Variants in FBXL17 observed in about 807,000 individuals in gnomAD.
FBXL17 encodes the protein F-box and leucine rich repeat protein 17, also known as F-box/LRR-repeat protein 17.
Under a neutral mutation model 66.2 loss-of-function variants are expected in FBXL17, and 22 were observed. The observed-to-expected ratio is 0.33, with a 90% CI of 0.24 to 0.47. The LOEUF (loss-of-function observed/expected upper bound fraction) is 0.47. FBXL17 is among the 20% of genes least tolerant of loss of function. The pLI is 1.00. For synonymous variants in FBXL17, 474 were observed against 400.5 expected, an observed-to-expected ratio of 1.18 and a Z score of -2.19; for missense variants, 878 against 948.2, an observed-to-expected ratio of 0.93 and a Z score of 0.97.
intron 3 of FBXL17, among the ~76,000 whole-genome samples, chr5:108,360,623 T>A (rs1304653921): frequency 6.6e-6 from 1 of 152,138 alleles, no homozygotes; most frequent in Non-Finnish European, 1.5e-5. Context: ...TAGATGCGTA[T>A]CTTCCACCAA....
intron 4 of FBXL17, among the ~76,000 whole-genome samples, chr5:108,231,325 T>C (rs1755331070): frequency 6.6e-6 from 1 of 152,142 alleles, no homozygotes; most frequent in Non-Finnish European, 1.5e-5. Context: ...TCATATACAG[T>C]TAATCACAGC....
chr5:108,360,615 G>C (rs769369034), intron 3 of FBXL17, among the ~76,000 whole-genome samples: 19 of 152,022 alleles, frequency 1.2e-4, no homozygotes, highest in Non-Finnish European at 2.1e-4. Context: ...TGGACGTATA[G>C]ATGCGTATCT....
At chr5:108,000,473 C>A (rs1753678940) in intron 7 of FBXL17, among the ~76,000 whole-genome samples, 1 of 152,176 alleles carries the variant, frequency 6.6e-6, no homozygotes, top group Non-Finnish European at 1.5e-5. Context: ...AAGGAAAATC[C>A]AGTCTGTTCT....
intron 8 of FBXL17, among the ~76,000 whole-genome samples, chr5:107,867,708 G>C (rs2112483154): frequency 6.6e-6 from 1 of 152,300 alleles, no homozygotes; most frequent in Non-Finnish European, 1.5e-5. Context: ...TTTGGGAGTT[G>C]GTATGCCTTC....
chr5:108,351,008 TC>T (rs1463920992), intron 3 of FBXL17, among the ~76,000 whole-genome samples: 1 of 152,182 alleles, frequency 6.6e-6, no homozygotes, highest in African/African-American at 2.4e-5. Flanking sequence ...GACTAGACTA[TC>T]CCAGGCAAAT....
At chr5:107,871,397 G>A (rs567246851) in intron 8 of FBXL17, among the ~76,000 whole-genome samples, 176 of 152,320 alleles carry the variant, frequency 1.2e-3, no homozygotes, top group African/African-American at 3.6e-3. Context: ...GAGAATTGGG[G>A]CTTGCTAACC....
chr5:108,300,342 C>A (rs1297968418), intron 4 of FBXL17, among the ~76,000 whole-genome samples: 1 of 151,810 alleles, frequency 6.6e-6, no homozygotes, highest in Non-Finnish European at 1.5e-5. Context: ...TTTTCTACTT[C>A]TATATTTAGT....
chr5:108,181,241 A>C (rs1341834256), intron 6 of FBXL17, among the ~76,000 whole-genome samples: 1 of 152,186 alleles, frequency 6.6e-6, no homozygotes, highest in African/African-American at 2.4e-5. Flanking sequence ...ATTTCAATAA[A>C]CTTAGAATCA....
At chr5:108,371,352 C>T (rs1018206713) in intron 1 of FBXL17, among the ~76,000 whole-genome samples, 2 of 152,214 alleles carry the variant, frequency 1.3e-5, no homozygotes, top group African/African-American at 4.8e-5. Flanking sequence ...CAAAACTACA[C>T]AGCAGCACAG....
At chr5:107,967,856 T>C (rs1208832691) in intron 7 of FBXL17, among the ~76,000 whole-genome samples, 1 of 152,116 alleles carries the variant, frequency 6.6e-6, no homozygotes, top group East Asian at 1.9e-4. Flanking sequence ...CTATATTCCA[T>C]GTATCATGTG....
At chr5:108,163,166 C>T (rs1752278165) in intron 6 of FBXL17, among the ~76,000 whole-genome samples, 2 of 152,046 alleles carry the variant, frequency 1.3e-5, no homozygotes, top group African/African-American at 4.8e-5. Flanking sequence ...AATTAGAAGA[C>T]AGTTACAACG....
At chr5:107,882,429 A>G (rs565341846) in intron 7 of FBXL17, among the ~76,000 whole-genome samples, 1 of 152,044 alleles carries the variant, frequency 6.6e-6, no homozygotes, top group East Asian at 1.9e-4. Flanking sequence ...CAGATATTTA[A>G]TGTTTATAAA....
At chr5:108,148,407 TTTGCC>T (rs1342836999) in intron 6 of FBXL17, among the ~76,000 whole-genome samples, 2 of 152,284 alleles carry the variant, frequency 1.3e-5, no homozygotes, top group Non-Finnish European at 2.9e-5. Context: ...TGCTTCTGCA[TTTGCC>T]TTGTAAAAAT....
chr5:108,207,994 A>G (rs1215866806), intron 5 of FBXL17, among the ~76,000 whole-genome samples: 1 of 152,130 alleles, frequency 6.6e-6, no homozygotes, highest in East Asian at 1.9e-4. Context: ...CTGACTTTTT[A>G]ATGATTGCCA....
intron 2 of FBXL17, among the ~76,000 whole-genome samples, chr5:108,365,294 T>C (rs1303137248): frequency 1.3e-5 from 2 of 152,098 alleles, no homozygotes; most frequent in Admixed American, 6.6e-5. Flanking sequence ...TCTGAGTTCA[T>C]ACTAATGAAG....
intron 4 of FBXL17, among the ~76,000 whole-genome samples, chr5:108,295,594 T>C (rs1561512578): frequency 1.3e-5 from 2 of 151,926 alleles, no homozygotes; most frequent in African/African-American, 4.8e-5. Flanking sequence ...AATTGACAGA[T>C]CAAACAAACA....
In FBXL17 at chr5:108,262,082, A is replaced by ATTTTT. The variant is rs769903670; in HGVS notation, c.1507-37855_1507-37854insAAAAA. 1.2e-3 allele frequency among the ~76,000 whole-genome samples: 140 copies of ATTTTT among 114,202 alleles called. 4 individuals carry two copies. The highest frequency in any genetic ancestry group is 2.2e-3 in the South Asian group (9 of 4,024). The allele number at this position is 114,202 out of a possible 152,430, so 74.9% of individuals were successfully genotyped here. ...TATTTATTTATTTATTTATTTATTT[A>ATTTTT]TTTATTTTTTTTGAGACAGAGTCTC... On this transcript the variant is annotated intron_variant, in intron 4 of 8. Coordinates refer to ENST00000542267, the MANE Select transcript of FBXL17 (RefSeq NM_001163315.3).
chr5:108,351,863 C>T (rs1747679585), intron 3 of FBXL17, among the ~76,000 whole-genome samples: 1 of 152,256 alleles, frequency 6.6e-6, no homozygotes, highest in Admixed American at 6.5e-5. Context: ...AAGTCTTAGA[C>T]ATCAATGTGC....
intron 6 of FBXL17, among the ~76,000 whole-genome samples, chr5:108,182,059 A>C (rs2150027496): frequency 6.6e-6 from 1 of 152,298 alleles, no homozygotes; most frequent in African/African-American, 2.4e-5. Flanking sequence ...AATAAAGGTT[A>C]CTTTCGTCCC....
Sources: gnomAD v4.1 joint callset for allele counts (sites outside exome capture counted in the v4.1 genomes callset) on GRCh38, gnomAD v4.1.1 for gene constraint, MANE v1.5 for transcripts, NCBI Gene and HGNC (gene_info 2026-07-23, HGNC 2026-07-21) for gene names.